Variants in ITPR1 observed in about 807,000 individuals in gnomAD.
The protein encoded by ITPR1 is inositol 1,4,5-trisphosphate-gated calcium channel ITPR1.
ITPR1 carries 96 observed loss-of-function variants against 318.4 expected under a neutral mutation model. The observed-to-expected ratio is 0.30, with a 90% CI of 0.26 to 0.36. The LOEUF (loss-of-function observed/expected upper bound fraction) is 0.36. Among genes scored for constraint, ITPR1 ranks in the 10% least tolerant of loss-of-function variants. The pLI is 1.00. For synonymous variants in ITPR1, 1,312 were observed against 1,289.9 expected (o/e 1.02, Z -0.37); for missense variants, 2,440 against 3,460.2 (o/e 0.71, Z 7.40).
intron 54 of ITPR1, among the ~76,000 whole-genome samples, chr3:4,804,161 C>T (rs573182733): frequency 2.0e-5 from 3 of 152,210 alleles, no homozygotes; most frequent in Non-Finnish European, 2.9e-5. Flanking sequence ...CGTGAGCCAC[C>T]ATGCCCCGCC....
intron 60 of ITPR1, among the ~76,000 whole-genome samples, chr3:4,836,399 G>A (rs911279327): frequency 6.6e-6 from 1 of 152,006 alleles, no homozygotes; most frequent in African/African-American, 2.4e-5. Flanking sequence ...GGTTACAATG[G>A]TAAATTTTAT....
chr3:4,531,254 G>T (rs966997387), intron 4 of ITPR1, among the ~76,000 whole-genome samples: 2 of 152,178 alleles, frequency 1.3e-5, no homozygotes, highest in Admixed American at 6.5e-5. Context: ...TCAAAGGCAT[G>T]TTGCTTCGTG....
chr3:4,746,648 G>A (rs575575713), intron 44 of ITPR1, among the ~76,000 whole-genome samples: 39 of 152,308 alleles, frequency 2.6e-4, no homozygotes, highest in Non-Finnish European at 3.8e-4. Context: ...TCTTCACTCC[G>A]AGTCCCCTCG....
In ITPR1 at chr3:4,766,435, A is replaced by C. The variant is rs377602554; in HGVS notation, c.5545-95A>C. 57 of 1,009,542 alleles carry C rather than the reference A, an allele frequency of 5.6e-5. 1 individual carries two copies. In the African/African-American group the frequency reaches 7.7e-4, roughly 14 times the overall value. The allele number at this position is 1,009,542 out of a possible 1,614,324, so 62.5% of individuals were successfully genotyped here. On this transcript the variant is annotated intron_variant, in intron 44 of 61. Coordinates refer to ENST00000649015, the MANE Select transcript of ITPR1 (RefSeq NM_001378452.1). Reference sequence around the variant, plus strand: ...ACTTAGATCATGCGTGAGGTTTTGCAACTGGCTCTGATCTTCATTAGGTTT... The same window carrying C: ...ACTTAGATCATGCGTGAGGTTTTGCCACTGGCTCTGATCTTCATTAGGTTT...
At chr3:4,815,629 G>A (rs185344006) in intron 59 of ITPR1, among the ~76,000 whole-genome samples, 1 of 152,118 alleles carries the variant, frequency 6.6e-6, no homozygotes, top group Admixed American at 6.5e-5. Flanking sequence ...AGTAGTGAAC[G>A]GCTACGTAAA....
chr3:4,642,120 C>G lies in ITPR1; in HGVS notation c.394C>G (p.Leu132Val). 6.2e-7 allele frequency: 1 copy of G among 1,607,062 alleles called. No individual in the cohort carries two copies. Among genetic ancestry groups the G allele is most frequent in the Non-Finnish European group, 8.5e-7 (1 of 1,176,602 alleles). Residue 132 changes from leucine (L) to valine (V), a missense_variant, in exon 7 of 62, where the codon CTA (leucine) becomes GTA (valine). Leu to Val is a conservative substitution (Grantham distance 32). Around this residue, in one of 23 missense-constraint regions of ITPR1, gnomAD observed 186 missense variants for 323.9 expected, o/e 0.57. Coordinates refer to ENST00000649015, the MANE Select transcript of ITPR1 (RefSeq NM_001378452.1). ...QLLHLKSNKYLTVNKRLPALL... is the reference protein window; with the variant it reads ...QLLHLKSNKYVTVNKRLPALL... ...CCTGCATTTGAAAAGTAATAAATAC[C>G]TAACAGTGAATAAGAGGCTTCCTGC...
chr3:4,844,827 A>G (rs1371145066), intron 61 of ITPR1, among the ~76,000 whole-genome samples: 1 of 152,236 alleles, frequency 6.6e-6, no homozygotes, highest in Non-Finnish European at 1.5e-5. Context: ...TAACAGAGAA[A>G]GCATCTCCAC....
At chr3:4,772,788 G>A (rs2046264567) in intron 46 of ITPR1, among the ~76,000 whole-genome samples, 1 of 152,160 alleles carries the variant, frequency 6.6e-6, no homozygotes, top group African/African-American at 2.4e-5. Context: ...AGTGAGTGGT[G>A]TGCCTCTGTT....
chr3:4,506,722 CA>C (rs1454260544), intron 2 of ITPR1, among the ~76,000 whole-genome samples: 6 of 152,186 alleles, frequency 3.9e-5, no homozygotes, highest in Non-Finnish European at 5.9e-5. Flanking sequence ...TCACATGGAA[CA>C]GTTCACTTTC....
intron 49 of ITPR1, 63 bp from the exon 50 acceptor site, chr3:4,782,556 C>T: frequency 6.7e-7 from 1 of 1,501,186 alleles, no homozygotes; most frequent in Non-Finnish European, 9.0e-7. Flanking sequence ...TGCATGCTGT[C>T]CATCCAGTCC....
chr3:4,732,498 A>G (rs1014069840), intron 42 of ITPR1, among the ~76,000 whole-genome samples: 3 of 151,272 alleles, frequency 2.0e-5, no homozygotes, highest in African/African-American at 7.3e-5. Context: ...TTTTTTTTAT[A>G]TATTTGATAT....
At chr3:4,555,149 C>T (rs2085999254) in intron 4 of ITPR1, among the ~76,000 whole-genome samples, 1 of 152,092 alleles carries the variant, frequency 6.6e-6, no homozygotes, top group Admixed American at 6.5e-5. Flanking sequence ...GCACCAGAAT[C>T]CCATAATCAA....
chr3:4,762,120 A>G (rs1244001150), intron 44 of ITPR1, among the ~76,000 whole-genome samples: 2 of 151,976 alleles, frequency 1.3e-5, no homozygotes, highest in African/African-American at 4.8e-5. Context: ...AATAGATACC[A>G]CTGCTTCTGT....
intron 16 of ITPR1, 94 bp downstream of exon 16, chr3:4,663,300 G>T (rs2093877114): frequency 4.2e-6 from 5 of 1,196,388 alleles, no homozygotes; most frequent in Non-Finnish European, 5.8e-6. Flanking sequence ...ACTTTGGGAA[G>T]CCGAGGTGGG....
At chr3:4,612,197 G>T (rs1427291956) in intron 4 of ITPR1, among the ~76,000 whole-genome samples, 4 of 151,634 alleles carry the variant, frequency 2.6e-5, no homozygotes, top group Admixed American at 2.0e-4. Flanking sequence ...GAGTAGCTGG[G>T]ATTACAGGCG....
chr3:4,564,158 C>A (rs1261431737), intron 4 of ITPR1, among the ~76,000 whole-genome samples: 4 of 152,126 alleles, frequency 2.6e-5, no homozygotes, highest in Admixed American at 2.0e-4. Flanking sequence ...TCAGGCTGGT[C>A]TCGAGCTCCT....
At chr3:4,625,730 G>A (rs2125125671) in intron 4 of ITPR1, among the ~76,000 whole-genome samples, 1 of 152,004 alleles carries the variant, frequency 6.6e-6, no homozygotes, top group South Asian at 2.1e-4. Flanking sequence ...CTAATTTTTT[G>A]TATTTTTTAG....
chr3:4,685,249 C>T (rs937686113), intron 30 of ITPR1, 43 bp downstream of exon 30: 16 of 1,544,004 alleles, frequency 1.0e-5, no homozygotes, highest in African/African-American at 2.7e-5. Flanking sequence ...CAGGATGGGG[C>T]GGATCCCTGG....
chr3:4,811,220 T>C, intron 55 of ITPR1, 45 bp from the exon 56 acceptor site: 1 of 1,362,274 alleles, frequency 7.3e-7, no homozygotes, highest in Non-Finnish European at 9.9e-7. Context: ...GTGATGTACA[T>C]CTAACATCAA....
Sources: gnomAD v4.1 joint callset for allele counts (sites outside exome capture counted in the v4.1 genomes callset) on GRCh38, gnomAD v4.1.1 for gene constraint, gnomAD v4.1.1 regional missense constraint, MANE v1.5 for transcripts, NCBI Gene and HGNC (gene_info 2026-07-23, HGNC 2026-07-21) for gene names.